Variants in TMEM232 observed in about 807,000 individuals in gnomAD.
The protein encoded by TMEM232 is transmembrane protein 232.
TMEM232 carries 80 observed loss-of-function variants against 78.8 expected under a neutral mutation model. The observed-to-expected ratio is 1.01, with a 90% CI of 0.85 to 1.22. The LOEUF is 1.22. Ranked by LOEUF, TMEM232 falls within the 50% of genes most tolerant of loss-of-function variation. TMEM232 has a pLI of 0.00. For synonymous variants in TMEM232, 297 were observed against 254.3 expected, an observed-to-expected ratio of 1.17 and a Z score of -1.60; for missense variants, 881 against 742.2, an observed-to-expected ratio of 1.19 and a Z score of -2.17.
At chr5:110,707,287 C>A (rs1486251457) in intron 1 of TMEM232, among the ~76,000 whole-genome samples, 5 of 152,180 alleles carry the variant, frequency 3.3e-5, no homozygotes, top group African/African-American at 4.8e-5. Flanking sequence ...CGAAACCACA[C>A]CTACCCCATT....
intron 12 of TMEM232, among the ~76,000 whole-genome samples, chr5:110,498,248 C>T (rs1765839713): frequency 6.6e-6 from 1 of 151,856 alleles, no homozygotes; most frequent in Non-Finnish European, 1.5e-5. Context: ...TAAACTATTC[C>T]CTGTAGCTGC....
At chr5:110,633,680 G>T (rs1785447196) in intron 5 of TMEM232, among the ~76,000 whole-genome samples, 2 of 152,128 alleles carry the variant, frequency 1.3e-5, no homozygotes, top group Admixed American at 6.6e-5. Flanking sequence ...CTTTTGCCAT[G>T]ATTGTTAAGT....
At chr5:110,513,598 C>A (rs1768124737) in intron 12 of TMEM232, among the ~76,000 whole-genome samples, 1 of 152,012 alleles carries the variant, frequency 6.6e-6, no homozygotes, top group African/African-American at 2.4e-5. Flanking sequence ...ATGTTCACAA[C>A]ATCACTAATC....
At chr5:110,423,817 ATG>A (rs1756948416) in intron 13 of TMEM232, among the ~76,000 whole-genome samples, 9 of 143,388 alleles carry the variant, frequency 6.3e-5, no homozygotes, top group African/African-American at 2.4e-4. Context: ...GTGTATGTGT[ATG>A]TGTGTATGTG....
chr5:110,652,826 A>C (rs1315879431), intron 2 of TMEM232, among the ~76,000 whole-genome samples: 1 of 152,208 alleles, frequency 6.6e-6, no homozygotes, highest in African/African-American at 2.4e-5. Context: ...ATTTCTCTGA[A>C]ATATCAAAGG....
intron 12 of TMEM232, among the ~76,000 whole-genome samples, chr5:110,507,922 C>CT (rs1430823605): frequency 6.6e-6 from 1 of 152,092 alleles, no homozygotes; most frequent in African/African-American, 2.4e-5. Flanking sequence ...CTATATGTGA[C>CT]TTTTTTTCTA....
At chr5:110,429,151 C>A (rs987688287) in intron 12 of TMEM232, among the ~76,000 whole-genome samples, 11 of 151,782 alleles carry the variant, frequency 7.2e-5, no homozygotes, top group Admixed American at 2.6e-4. Flanking sequence ...GACATATAAA[C>A]AGCCATTCAC....
intron 2 of TMEM232, among the ~76,000 whole-genome samples, chr5:110,406,972 C>T (rs1755815722): frequency 6.6e-6 from 1 of 151,716 alleles, no homozygotes. Context: ...ATCGCAACCA[C>T]AATGCAAAAA....
intron 2 of TMEM232, among the ~76,000 whole-genome samples, chr5:110,650,156 TATG>T (rs1265952252): frequency 7.9e-5 from 12 of 152,082 alleles, no homozygotes; most frequent in African/African-American, 1.7e-4. Flanking sequence ...TGTTCATTGT[TATG>T]ATAACTTTAG....
chr5:110,732,271 C>T (rs936977132), intron 2 of TMEM232, among the ~76,000 whole-genome samples: 15 of 152,176 alleles, frequency 9.9e-5, no homozygotes, highest in Non-Finnish European at 1.9e-4. Flanking sequence ...CTGTCTTCTT[C>T]TGAGCCCTCC....
At chr5:110,642,952 G>C (rs569588527) in intron 2 of TMEM232, among the ~76,000 whole-genome samples, 2 of 152,062 alleles carry the variant, frequency 1.3e-5, no homozygotes, top group African/African-American at 4.8e-5. Flanking sequence ...ATGCTATACT[G>C]AGAATTAGCG....
chr5:110,714,132 G>A (rs1226267188), intron 1 of TMEM232, among the ~76,000 whole-genome samples: 1 of 152,136 alleles, frequency 6.6e-6, no homozygotes, highest in Non-Finnish European at 1.5e-5. Flanking sequence ...TGAGCCACAG[G>A]AAGTTTATCT....
At chr5:110,736,074 A>G (rs1202062567) in intron 1 of TMEM232, among the ~76,000 whole-genome samples, 5 of 152,338 alleles carry the variant, frequency 3.3e-5, no homozygotes, top group African/African-American at 1.2e-4. Context: ...TTGTGCCACA[A>G]TAGAAACTAA....
chr5:110,457,309 T>C (rs1242265117), intron 12 of TMEM232, among the ~76,000 whole-genome samples: 1 of 152,038 alleles, frequency 6.6e-6, no homozygotes, highest in African/African-American at 2.4e-5. Flanking sequence ...AAAACCACAA[T>C]GAGATACCAC....
intron 1 of TMEM232, among the ~76,000 whole-genome samples, chr5:110,679,661 A>C (rs948476726): frequency 3.3e-5 from 5 of 152,132 alleles, no homozygotes; most frequent in Non-Finnish European, 5.9e-5. Flanking sequence ...CTCTTTCACT[A>C]ATATCTTTGT....
chr5:110,533,293 C>T (rs1771825039), intron 11 of TMEM232, among the ~76,000 whole-genome samples: 1 of 152,170 alleles, frequency 6.6e-6, no homozygotes, highest in Admixed American at 6.5e-5. Context: ...CATAAAAGCA[C>T]ACATGCTCTC....
intron 12 of TMEM232, among the ~76,000 whole-genome samples, chr5:110,450,182 C>T (rs905415763): frequency 6.6e-6 from 1 of 152,122 alleles, no homozygotes; most frequent in African/African-American, 2.4e-5. Context: ...AGCCATACTT[C>T]CTGTATAGTC....
At chr5:110,573,721 T>A (rs10044727) in intron 10 of TMEM232, among the ~76,000 whole-genome samples, 11,404 of 152,006 alleles carry the variant, frequency 0.075, 535 homozygotes, top group South Asian at 0.19. Flanking sequence ...AAAACTTCCA[T>A]GAGGAGGTGA....
At chr5:110,651,934 C>A (rs1337302586) in intron 2 of TMEM232, among the ~76,000 whole-genome samples, 2 of 152,046 alleles carry the variant, frequency 1.3e-5, no homozygotes, top group Non-Finnish European at 2.9e-5. Context: ...ACTTTAGGTG[C>A]TTAAGTTTAT....
Sources: gnomAD v4.1 joint callset for allele counts (sites outside exome capture counted in the v4.1 genomes callset) on GRCh38, gnomAD v4.1.1 for gene constraint, MANE v1.5 for transcripts, NCBI Gene and HGNC (gene_info 2026-07-23, HGNC 2026-07-21) for gene names.